The following GLIS2 variants were observed in gnomAD, a reference collection of about 807,000 sequenced individuals.
The protein encoded by GLIS2 is zinc finger protein GLIS2.
Under a neutral mutation model 35.6 loss-of-function variants are expected in GLIS2, and 14 were observed. The ratio of observed to expected loss-of-function variants is 0.39; its 90% CI spans 0.26 to 0.61. The LOEUF is 0.61. GLIS2 is among the 20% of genes least tolerant of loss of function. The pLI is 0.48. For missense variants in GLIS2, 675 were observed against 713.4 expected, an observed-to-expected ratio of 0.95 and a Z score of 0.61; for synonymous variants, 368 against 325.1, an observed-to-expected ratio of 1.13 and a Z score of -1.42.
At chr16:4,315,333 C>T (rs2053294801), upstream of GLIS2, 1 of 152,220 alleles carries the variant, frequency 6.6e-6, no homozygotes, top group Admixed American at 6.5e-5. Context: ...GATCCGGGAC[C>T]TCTGCCCGCC....
At position 4,335,042 on chromosome 16, in the gene GLIS2, A is replaced by G. The variant is rs778582978; in HGVS notation, c.523-18A>G. ...AGGTCACCCCGCATGGGCTCAGAACACTTCCCATCCTCCGCAGTGTAACCA... is the reference window on the plus strand; with the variant it reads ...AGGTCACCCCGCATGGGCTCAGAACGCTTCCCATCCTCCGCAGTGTAACCA... On this transcript the variant is annotated intron_variant, in intron 4 of 6. Coordinates refer to ENST00000433375, the MANE Select transcript of GLIS2 (RefSeq NM_032575.3). This position sits in a 1 kb window ranked among gnomAD's most constrained non-coding sequence, Gnocchi z 4.6. 2.5e-6 allele frequency: 4 copies of G among 1,613,350 alleles called. No homozygotes were observed. In the South Asian group the frequency reaches 3.3e-5, roughly 13 times the overall value.
chr16:4,333,284 A>AG, intron 2 of GLIS2, 63 bp from the exon 3 acceptor site: 1 of 1,587,028 alleles, frequency 6.3e-7, no homozygotes, highest in Non-Finnish European at 8.6e-7. Context: ...GTTCGGAGGC[A>AG]GGAGTACCTG....
chr16:4,334,932 G>C lies in GLIS2; in HGVS notation c.477G>C (p.Ser159=). 6.2e-7 allele frequency: 1 copy of C among 1,612,956 alleles called. No homozygotes were observed. Among genetic ancestry groups the C allele is most frequent in the Non-Finnish European group, 8.5e-7 (1 of 1,180,016 alleles). ...FLTPPKDKCL[S]PDLPLPKQLV... is the part of the protein sequence containing the mutation. ...CCCCTCCCAAGGACAAGTGCCTCTC[G>C]CCAGACCTGCCCCTGCCCAAGCAGC... Residue 159 remains serine (S), a synonymous_variant, in exon 4 of 7, where the codon TCG becomes TCC. Transcript: ENST00000433375.
At chr16:4,333,788 GTCCGAA>G (rs1418799330) in intron 3 of GLIS2, among the ~76,000 whole-genome samples, 2 of 152,066 alleles carry the variant, frequency 1.3e-5, no homozygotes, top group African/African-American at 2.4e-5. Flanking sequence ...GTCCCTCTGT[GTCCGAA>G]TCTCTCTCTG....
Position 4,335,016 on chromosome 16 carries a change from C to T in GLIS2, c.522+39C>T. On this transcript the variant is annotated intron_variant, in intron 4 of 6. Coordinates refer to ENST00000433375, the MANE Select transcript of GLIS2 (RefSeq NM_032575.3). This position sits in a 1 kb window ranked among gnomAD's most constrained non-coding sequence, Gnocchi z 4.6. ...AGCAAGAGTAGTGTGGAGTCTGGGG[C>T]AGGTCACCCCGCATGGGCTCAGAAC... is the stretch of plus-strand genomic sequence containing the variant. The T allele has an allele frequency of 6.2e-7, 1 of 1,613,242 alleles. No homozygotes were observed. Among genetic ancestry groups the T allele is most frequent in the South Asian group, 1.1e-5 (1 of 91,082 alleles).
chr16:4,326,823 C>T (rs900505672), intron 1 of GLIS2, among the ~76,000 whole-genome samples: 2 of 149,322 alleles, frequency 1.3e-5, no homozygotes, highest in Middle Eastern at 3.4e-3. Flanking sequence ...TGCAGTGGCG[C>T]GATCTCAGCT....
intron 1 of GLIS2, among the ~76,000 whole-genome samples, chr16:4,325,692 C>T (rs1016641339): frequency 6.6e-6 from 1 of 151,952 alleles, no homozygotes; most frequent in Non-Finnish European, 1.5e-5. Flanking sequence ...CTTTGGGAGG[C>T]AGAGACAGGA....
Position 4,332,361 on chromosome 16 carries a change from G to T in GLIS2, c.81G>T (p.Thr27=). The T allele has an allele frequency of 6.2e-7, 1 of 1,613,078 alleles. No homozygotes were observed. The highest frequency in any genetic ancestry group is 8.5e-7 in the Non-Finnish European group (1 of 1,180,014). ...LRAAREKRER[T]LGVVRPRALH... ...CGGCAAGAGAGAAGCGGGAGAGGAC[G>T]CTGGGTGTGGTCCGGCCCCGTGCTC... Residue 27 remains threonine, a synonymous_variant, in exon 2 of 7, where the codon ACG becomes ACT. Transcript: ENST00000433375. The surrounding 1 kb of genome is among the most constrained non-coding windows in gnomAD (Gnocchi z 5.4).
At position 4,320,458 on chromosome 16, in the gene GLIS2, C is replaced by T. The variant is rs896939708; in HGVS notation, c.-67+4204C>T. Among the ~76,000 whole-genome samples, 1 of 152,144 alleles carries T rather than the reference C, an allele frequency of 6.6e-6. No individual in the cohort carries two copies. The highest frequency in any genetic ancestry group is 2.4e-5 in the African/African-American group (1 of 41,426). On this transcript the variant is annotated intron_variant, in intron 1 of 6. Coordinates refer to ENST00000433375, the MANE Select transcript of GLIS2 (RefSeq NM_032575.3). This position sits in a 1 kb window ranked among gnomAD's most constrained non-coding sequence, Gnocchi z 5.6. ...CTCTGAGACATTTGAGGGTTTGGCC[C>T]GAGGTCACTCCCAATCGGGGAAGAA... is the stretch of plus-strand genomic sequence containing the variant.
At chr16:4,321,510 A>G (rs1292326378) in intron 1 of GLIS2, among the ~76,000 whole-genome samples, 1 of 152,190 alleles carries the variant, frequency 6.6e-6, no homozygotes, top group East Asian at 1.9e-4. Flanking sequence ...GGCAGGTACC[A>G]CTGTGCCACC....
In GLIS2 at chr16:4,332,141, T is replaced by TA. The variant is rs2053503349; in HGVS notation, c.-66-73dup. 9.2e-7 allele frequency: 1 copy of TA among 1,085,082 alleles called. No individual in the cohort carries two copies. The highest frequency in any genetic ancestry group is 1.3e-5 in the South Asian group (1 of 74,330). 67.2% of individuals were successfully genotyped at this position (1,085,082 alleles called of 1,614,324 possible). ...CACTGCCCCCTGCTCCTGCTCCTGT[T>TA]AGACTGTCATGAGTACAGCCCGAGG... On this transcript the variant is annotated intron_variant, in intron 1 of 6. Transcript: ENST00000433375. The surrounding 1 kb of genome is among the most constrained non-coding windows in gnomAD (Gnocchi z 5.4).
intron 1 of GLIS2, among the ~76,000 whole-genome samples, chr16:4,322,044 G>C (rs961308340): frequency 2.0e-5 from 3 of 152,142 alleles, no homozygotes; most frequent in African/African-American, 7.2e-5. Context: ...GCACTTGGTG[G>C]AGGAGGGGGC....
Position 4,316,140 on chromosome 16 carries a change from C to T in GLIS2, c.-181C>T, listed in dbSNP as rs2053307768. 7.4e-3 allele frequency among the ~76,000 whole-genome samples: 1 copy of T among 136 alleles called. No individual in the cohort carries two copies. Among genetic ancestry groups the T allele is most frequent in the Non-Finnish European group, 0.018 (1 of 56 alleles). 0.1% of individuals were successfully genotyped at this position (136 alleles called of 152,430 possible). On this transcript the variant is annotated 5_prime_UTR_variant, in exon 1 of 7. Transcript: ENST00000433375. ...CGGCCGTGCCAGGGGAGCCCGCGCC[C>T]CGTGAGGCCTCGCGCCCCGGCCCCC...
intron 3 of GLIS2, among the ~76,000 whole-genome samples, chr16:4,333,949 T>TAA (rs1258290874): frequency 2.6e-5 from 4 of 151,888 alleles, no homozygotes; most frequent in Non-Finnish European, 5.9e-5. Flanking sequence ...CCCATCTCTA[T>TAA]TTATTTTTTT....
chr16:4,322,249 G>T (rs2141121699), intron 1 of GLIS2, among the ~76,000 whole-genome samples: 1 of 152,006 alleles, frequency 6.6e-6, no homozygotes, highest in East Asian at 1.9e-4. Flanking sequence ...GCCCTCTGTG[G>T]CTCCCCAGTG....
At chr16:4,329,051 C>T (rs2053469334) in intron 1 of GLIS2, 1 of 152,340 alleles carries the variant, frequency 6.6e-6, no homozygotes, top group Non-Finnish European at 1.5e-5. Context: ...GCCACCAGCC[C>T]TTCCTGGCTC....
intron 1 of GLIS2, among the ~76,000 whole-genome samples, chr16:4,329,407 C>T (rs369219959): frequency 1.3e-5 from 2 of 152,244 alleles, no homozygotes; most frequent in African/African-American, 2.4e-5. Flanking sequence ...AGGGGCGAAT[C>T]GCAGACCTAG....
At chr16:4,317,631 C>T (rs1448760214) in intron 1 of GLIS2, among the ~76,000 whole-genome samples, 1 of 152,066 alleles carries the variant, frequency 6.6e-6, no homozygotes, top group Non-Finnish European at 1.5e-5. Context: ...AGAGCCCAGG[C>T]TGGGCCTCCT....
rs1212581213 is a variant in GLIS2, at chr16:4,339,125, C to A, written c.*1601C>A. On this transcript the variant is annotated 3_prime_UTR_variant, in exon 7 of 7. Transcript: ENST00000433375. ...CTTGCCACTGGGCTTTGGACTCCAG[C>A]CCTGACAGGGCCCAGCCACACTGGC... 2 of 152,478 alleles carry A rather than the reference C, an allele frequency of 1.3e-5. No individual in the cohort carries two copies. Among genetic ancestry groups the A allele is most frequent in the African/African-American group, 4.8e-5 (2 of 41,472 alleles). 9.4% of individuals were successfully genotyped at this position (152,478 alleles called of 1,614,324 possible). A position where few individuals can be genotyped will look rare whatever the true frequency, so the allele number is the denominator to read the frequency against.
Sources: gnomAD v4.1 joint callset for allele counts (sites outside exome capture counted in the v4.1 genomes callset) on GRCh38, gnomAD v4.1.1 for gene constraint, Gnocchi (gnomAD v3.1) non-coding constraint, MANE v1.5 for transcripts, NCBI Gene and HGNC (gene_info 2026-07-23, HGNC 2026-07-21) for gene names.